Variants in GTF2E2 observed in about 807,000 individuals in gnomAD.
GTF2E2 encodes general transcription factor IIE subunit 2.
GTF2E2 carries 21 observed loss-of-function variants against 40.5 expected under a neutral mutation model. The ratio of observed to expected loss-of-function variants is 0.52; its 90% CI spans 0.37 to 0.75. The LOEUF (loss-of-function observed/expected upper bound fraction) is 0.75. Among genes scored for constraint, GTF2E2 ranks in the 30% least tolerant of loss-of-function variants. GTF2E2 has a pLI of 0.00. For missense variants in GTF2E2, 298 were observed against 338.4 expected (o/e 0.88, Z 0.94); for synonymous variants, 117 against 121.6 (o/e 0.96, Z 0.25).
chr8:30,618,901 CAT>C (rs1451543424), intron 3 of GTF2E2, among the ~76,000 whole-genome samples: 1 of 152,128 alleles, frequency 6.6e-6, no homozygotes, highest in Non-Finnish European at 1.5e-5. Context: ...TAAAAACTGT[CAT>C]ATCTGCATAT....
intron 5 of GTF2E2, among the ~76,000 whole-genome samples, chr8:30,610,648 T>G (rs770080656): frequency 6.6e-6 from 1 of 152,036 alleles, no homozygotes; most frequent in Non-Finnish European, 1.5e-5. Flanking sequence ...GATATCCACA[T>G]GAAAAGGAAT....
At chr8:30,620,501 AAT>A (rs1313826691) in intron 3 of GTF2E2, among the ~76,000 whole-genome samples, 1 of 152,138 alleles carries the variant, frequency 6.6e-6, no homozygotes, top group Non-Finnish European at 1.5e-5. Context: ...ATTATTTTAA[AAT>A]AGTGTATTTT....
intron 1 of GTF2E2, among the ~76,000 whole-genome samples, chr8:30,654,793 A>G (rs76289719): frequency 0.017 from 2,530 of 152,314 alleles, 60 homozygotes; most frequent in South Asian, 0.064. Flanking sequence ...CATGAGGACT[A>G]CAGGGCAGAA....
At chr8:30,630,730 G>A in intron 3 of GTF2E2, among the ~76,000 whole-genome samples, 1 of 152,106 alleles carries the variant, frequency 6.6e-6, no homozygotes, top group East Asian at 1.9e-4. Flanking sequence ...ATGGTTTCAG[G>A]GAAGCATTCG....
chr8:30,635,611 G>A (rs967821003), intron 2 of GTF2E2, among the ~76,000 whole-genome samples: 1 of 151,956 alleles, frequency 6.6e-6, no homozygotes, highest in African/African-American at 2.4e-5. Context: ...TCAAACTCCT[G>A]GACTCAAGAG....
intron 6 of GTF2E2, among the ~76,000 whole-genome samples, chr8:30,591,331 A>G (rs550587421): frequency 3.9e-5 from 6 of 152,158 alleles, no homozygotes; most frequent in Admixed American, 6.5e-5. Context: ...ATAAAAAATT[A>G]AAATATTACC....
intron 3 of GTF2E2, among the ~76,000 whole-genome samples, chr8:30,624,263 C>T (rs1447402208): frequency 6.6e-6 from 1 of 152,052 alleles, no homozygotes; most frequent in African/African-American, 2.4e-5. Context: ...ATTTGTTGAA[C>T]AGGGAATCCT....
At chr8:30,593,766 G>A (rs1371923532) in intron 6 of GTF2E2, among the ~76,000 whole-genome samples, 1 of 152,156 alleles carries the variant, frequency 6.6e-6, no homozygotes, top group Non-Finnish European at 1.5e-5. Flanking sequence ...ACAGGTGTTA[G>A]CCACCATGCC....
chr8:30,650,787 G>C (rs1156384171), intron 2 of GTF2E2, among the ~76,000 whole-genome samples: 3 of 152,016 alleles, frequency 2.0e-5, no homozygotes, highest in Admixed American at 1.3e-4. Context: ...AGGCCAAGGC[G>C]GGTGGATCAC....
chr8:30,600,548 C>T (rs1471392246), intron 6 of GTF2E2, among the ~76,000 whole-genome samples: 1 of 151,972 alleles, frequency 6.6e-6, no homozygotes, highest in Non-Finnish European at 1.5e-5. Flanking sequence ...TAGTAAGGGA[C>T]TGAGCTAAGA....
intron 2 of GTF2E2, among the ~76,000 whole-genome samples, chr8:30,652,812 ACCGTTTATTG>A (rs1327021237): frequency 6.6e-6 from 1 of 152,322 alleles, no homozygotes; most frequent in East Asian, 1.9e-4. Flanking sequence ...AATCCAAATA[ACCGTTTATTG>A]GTGAATGGAT....
intron 6 of GTF2E2, among the ~76,000 whole-genome samples, chr8:30,603,889 G>A (rs968285222): frequency 7.2e-5 from 11 of 151,830 alleles, no homozygotes; most frequent in South Asian, 4.2e-4. Flanking sequence ...AATTAAGTCC[G>A]AGGGCCACGC....
chr8:30,593,496 G>A (rs887350776), intron 6 of GTF2E2, among the ~76,000 whole-genome samples: 8 of 152,122 alleles, frequency 5.3e-5, no homozygotes, highest in African/African-American at 1.2e-4. Flanking sequence ...ATTATGTAAC[G>A]TCCTTTTTCT....
chr8:30,657,927 G>C (rs1802494833), intron 1 of GTF2E2, 46 bp downstream of exon 1: 1 of 152,160 alleles, frequency 6.6e-6, no homozygotes, highest in Non-Finnish European at 1.5e-5. Context: ...CCAGGGAACA[G>C]CAAGCCGGGG....
intron 6 of GTF2E2, among the ~76,000 whole-genome samples, chr8:30,588,849 A>C (rs764812238): frequency 3.0e-4 from 45 of 152,232 alleles, no homozygotes; most frequent in Non-Finnish European, 5.6e-4. Flanking sequence ...TCTGACCTCC[A>C]GAACAGTAAG....
rs572829902 is a variant in GTF2E2 at position 30,640,901 on chromosome 8, C to T, written c.167-5778G>A. 7.2e-5 allele frequency among the ~76,000 whole-genome samples: 11 copies of T among 152,278 alleles called. No homozygotes were observed. In the East Asian group the frequency reaches 1.2e-3, roughly 16 times the overall value. ...TGTGTTTTTAGCAGAGACGGAGTTT[C>T]GCCATGTTGGTCAGGCCAGTCTTGA... is the stretch of plus-strand genomic sequence containing the variant. On this transcript the variant is annotated intron_variant, in intron 2 of 7. Coordinates refer to ENST00000355904, the MANE Select transcript of GTF2E2 (RefSeq NM_002095.6).
At chr8:30,580,150 T>TGTGA (rs1228636141) in intron 7 of GTF2E2, 131 bp downstream of exon 7, 15 of 641,054 alleles carry the variant, frequency 2.3e-5, no homozygotes, top group East Asian at 1.4e-4. Context: ...ATACCTCAGA[T>TGTGA]GTGACCTGGG....
intron 6 of GTF2E2, among the ~76,000 whole-genome samples, chr8:30,592,017 T>C (rs545616049): frequency 6.6e-6 from 1 of 152,316 alleles, no homozygotes; most frequent in African/African-American, 2.4e-5. Flanking sequence ...TGCTTTCACT[T>C]TCATTTAATG....
chr8:30,596,014 G>A lies in GTF2E2; in HGVS notation c.643+11043C>T, dbSNP rs571107510. Among the ~76,000 whole-genome samples, 3 of 152,284 alleles carry A rather than the reference G, an allele frequency of 2.0e-5. No homozygotes were observed. In the South Asian group the frequency reaches 6.2e-4, roughly 32 times the overall value. On this transcript the variant is annotated intron_variant, in intron 6 of 7. Transcript: ENST00000355904. ...CTGCATGGGTTCTAATAAGAACTCTGCATTCTTTTTTTCCTCTGGAATTAG... is the reference window on the plus strand; with the variant it reads ...CTGCATGGGTTCTAATAAGAACTCTACATTCTTTTTTTCCTCTGGAATTAG...
Sources: gnomAD v4.1 joint callset for allele counts (sites outside exome capture counted in the v4.1 genomes callset) on GRCh38, gnomAD v4.1.1 for gene constraint, MANE v1.5 for transcripts, NCBI Gene and HGNC (gene_info 2026-07-23, HGNC 2026-07-21) for gene names.